Variants in ATP10B observed in about 807,000 individuals in gnomAD.
The protein encoded by ATP10B is phospholipid-transporting ATPase VB.
A neutral mutation model predicts 141.2 loss-of-function variants in ATP10B; 122 were observed. The observed-to-expected ratio is 0.86, with a 90% CI of 0.75 to 1.00. The LOEUF (loss-of-function observed/expected upper bound fraction) is 1.00. ATP10B is among the 50% of genes least tolerant of loss of function. The probability of loss-of-function intolerance (pLI) is 0.00; values close to 1 mark genes in which losing one functional copy is unlikely to be tolerated. For synonymous variants in ATP10B, 685 were observed against 692.0 expected (o/e 0.99, Z 0.16); for missense variants, 1,876 against 1,825.3 (o/e 1.03, Z -0.51).
At chr5:160,831,074 C>G (rs1775045366) in intron 1 of ATP10B, among the ~76,000 whole-genome samples, 1 of 150,712 alleles carries the variant, frequency 6.6e-6, no homozygotes, top group Non-Finnish European at 1.5e-5. Context: ...TCATCTTTGT[C>G]ACTTATTTTT....
intron 2 of ATP10B, among the ~76,000 whole-genome samples, chr5:160,723,279 T>A (rs1198666559): frequency 6.6e-6 from 1 of 152,194 alleles, no homozygotes; most frequent in Non-Finnish European, 1.5e-5. Flanking sequence ...ACTTGACAGG[T>A]GAGACCATTG....
intron 22 of ATP10B, among the ~76,000 whole-genome samples, chr5:160,595,067 C>T (rs568284213): frequency 3.1e-5 from 2 of 64,366 alleles, no homozygotes; most frequent in East Asian, 1.1e-3. Flanking sequence ...CAGGTCTCTC[C>T]ACTCCAAATC....
intron 1 of ATP10B, among the ~76,000 whole-genome samples, chr5:160,818,597 C>T (rs1464592740): frequency 6.6e-6 from 1 of 152,184 alleles, no homozygotes; most frequent in African/African-American, 2.4e-5. Context: ...GTGGCAATTC[C>T]TCAGGGTTCT....
At chr5:160,901,436 A>T in the ATP10B span, among the ~76,000 whole-genome samples, 1 of 152,202 alleles carries the variant, frequency 6.6e-6, no homozygotes, top group Admixed American at 6.5e-5. Flanking sequence ...AAAAGTAGTT[A>T]GAATGCCTGT....
At chr5:160,598,259 T>C (rs571323134) in intron 22 of ATP10B, among the ~76,000 whole-genome samples, 2 of 151,830 alleles carry the variant, frequency 1.3e-5, no homozygotes, top group African/African-American at 4.8e-5. Flanking sequence ...AAATTGGAAA[T>C]CATCATTCTC....
At chr5:160,857,540 T>A in the ATP10B span, among the ~76,000 whole-genome samples, 1 of 151,822 alleles carries the variant, frequency 6.6e-6, no homozygotes. Flanking sequence ...TTTAATTTAT[T>A]TCCTTGTGTT....
chr5:160,767,633 G>GA (rs1769554979), intron 2 of ATP10B, among the ~76,000 whole-genome samples: 2 of 95,488 alleles, frequency 2.1e-5, no homozygotes, highest in East Asian at 7.5e-4. Flanking sequence ...CATGTGTGCA[G>GA]AACCCCCCCC....
the ATP10B span, among the ~76,000 whole-genome samples, chr5:160,868,346 C>T: frequency 6.6e-6 from 1 of 152,102 alleles, no homozygotes; most frequent in Admixed American, 6.6e-5. Flanking sequence ...TTCTCTCTCA[C>T]TTAATGACCA....
intron 3 of ATP10B, 68 bp from the exon 4 acceptor site, chr5:160,689,011 A>T (rs1339385854): frequency 1.1e-6 from 1 of 874,548 alleles, no homozygotes; most frequent in Non-Finnish European, 1.4e-6. Flanking sequence ...TTTACAGCAC[A>T]TCAAAAAGCT....
chr5:160,919,029 T>C, the ATP10B span, among the ~76,000 whole-genome samples: 3 of 149,838 alleles, frequency 2.0e-5, no homozygotes, highest in South Asian at 2.1e-4. Flanking sequence ...ATCAAGACCA[T>C]CCTGGCTAAC....
chr5:160,801,028 TAG>T (rs917753912), intron 1 of ATP10B, among the ~76,000 whole-genome samples: 18 of 152,282 alleles, frequency 1.2e-4, no homozygotes, highest in African/African-American at 4.1e-4. Context: ...CAAAATCTCC[TAG>T]AGTTATTTTC....
intron 15 of ATP10B, among the ~76,000 whole-genome samples, chr5:160,618,491 C>T (rs1023804884): frequency 3.3e-5 from 5 of 152,194 alleles, no homozygotes; most frequent in African/African-American, 1.2e-4. Context: ...AAGCCTGGAT[C>T]TCATTAGCTA....
chr5:160,571,483 T>C (rs557801089), intron 24 of ATP10B, among the ~76,000 whole-genome samples: 2 of 152,236 alleles, frequency 1.3e-5, no homozygotes, highest in Non-Finnish European at 1.5e-5. Flanking sequence ...ATAGTAAACA[T>C]AGATTTTCCT....
chr5:160,748,174 C>T (rs904690410), intron 2 of ATP10B, among the ~76,000 whole-genome samples: 8 of 151,720 alleles, frequency 5.3e-5, no homozygotes, highest in Admixed American at 1.3e-4. Context: ...TTGGAAGCTG[C>T]GAGAACAATA....
At chr5:160,895,322 A>G in the ATP10B span, among the ~76,000 whole-genome samples, 1 of 152,188 alleles carries the variant, frequency 6.6e-6, no homozygotes, top group Non-Finnish European at 1.5e-5. Context: ...TCACCTGCAA[A>G]GACACACATA....
At chr5:160,636,455 G>A in intron 10 of ATP10B, 146 bp from the exon 11 acceptor site, 2 of 781,828 alleles carry the variant, frequency 2.6e-6, no homozygotes, top group East Asian at 5.6e-5. Context: ...CTGTGTGTGT[G>A]TGTGTTTGTG....
At chr5:160,644,599 C>A (rs1056490117) in intron 8 of ATP10B, among the ~76,000 whole-genome samples, 2 of 152,084 alleles carry the variant, frequency 1.3e-5, no homozygotes, top group Non-Finnish European at 2.9e-5. Context: ...CAAAACCCAC[C>A]AAAACCAAGA....
intron 22 of ATP10B, among the ~76,000 whole-genome samples, chr5:160,595,538 G>A (rs1177154768): frequency 1.3e-5 from 2 of 152,070 alleles, no homozygotes; most frequent in African/African-American, 4.8e-5. Context: ...AAATAACTAA[G>A]ATCAGAGCAG....
intron 13 of ATP10B, among the ~76,000 whole-genome samples, chr5:160,627,657 A>G (rs1758679355): frequency 6.6e-6 from 1 of 152,226 alleles, no homozygotes; most frequent in Non-Finnish European, 1.5e-5. Context: ...TGATGGCTCA[A>G]CCATCCAACG....
Sources: allele counts gnomAD v4.1 joint callset (sites outside exome capture counted in the v4.1 genomes callset), GRCh38; gene constraint gnomAD v4.1.1; transcripts MANE v1.5; gene names NCBI Gene and HGNC (gene_info 2026-07-23, HGNC 2026-07-21).